PKHD1: variants seen among roughly 807,000 people sequenced by gnomAD.
PKHD1 encodes the protein fibrocystin.
Under a neutral mutation model 412.0 loss-of-function variants are expected in PKHD1, and 291 were observed. That is an observed-to-expected ratio of 0.71 (90% CI 0.64 to 0.78). The LOEUF (loss-of-function observed/expected upper bound fraction) is 0.78. Ranked by LOEUF, PKHD1 falls within the 30% of genes least tolerant of loss-of-function variation. The pLI, the probability that PKHD1 is intolerant of heterozygous loss-of-function variation, is 0.00. For synonymous variants in PKHD1, 1,777 were observed against 1,821.5 expected, an observed-to-expected ratio of 0.98 and a Z score of 0.62; for missense variants, 4,825 against 4,950.7, an observed-to-expected ratio of 0.97 and a Z score of 0.76.
intron 31 of PKHD1, among the ~76,000 whole-genome samples, chr6:52,026,566 T>G (rs954877839): frequency 1.2e-4 from 18 of 152,234 alleles, no homozygotes; most frequent in African/African-American, 3.6e-4. Flanking sequence ...ATAGACTATT[T>G]GTACATTGTC....
At chr6:51,868,213 T>A in intron 47 of PKHD1, 104 bp from the exon 48 acceptor site, 1 of 1,065,634 alleles carries the variant, frequency 9.4e-7, no homozygotes, top group Non-Finnish European at 1.4e-6. Flanking sequence ...TATCTAGTTT[T>A]ACAATTCACC....
rs1785409187 is a variant in PKHD1 at position 51,747,767 on chromosome 6, G to A, written c.9829+20C>T. The A allele has an allele frequency of 6.2e-6, 10 of 1,606,210 alleles. No homozygotes were observed. The South Asian group carries it at 8.8e-5, about 14-fold the overall frequency. ...TGGATGTATGAAATGGCACTGCCTA[G>A]ATAAAATAAAACATCCTACCTTGAA... On this transcript the variant is annotated intron_variant, in intron 58 of 66. Transcript: ENST00000371117.
intron 53 of PKHD1, among the ~76,000 whole-genome samples, chr6:51,781,802 T>C (rs1203047091): frequency 1.3e-5 from 2 of 151,990 alleles, no homozygotes; most frequent in Non-Finnish European, 2.9e-5. Context: ...TAAGGCAAGC[T>C]CTTCCTAGCA....
chr6:52,085,666 G>A (rs1812672978), intron 1 of PKHD1, among the ~76,000 whole-genome samples: 1 of 152,194 alleles, frequency 6.6e-6, no homozygotes, highest in African/African-American at 2.4e-5. Flanking sequence ...GGCACACATA[G>A]GCCTCTTCTT....
chr6:51,851,517 C>G (rs1772243803), intron 49 of PKHD1, among the ~76,000 whole-genome samples: 1 of 152,102 alleles, frequency 6.6e-6, no homozygotes, highest in African/African-American at 2.4e-5. Flanking sequence ...GCTGTGAATC[C>G]ATCTAGTCCT....
At chr6:51,863,354 A>G (rs1774501074) in intron 48 of PKHD1, among the ~76,000 whole-genome samples, 1 of 152,200 alleles carries the variant, frequency 6.6e-6, no homozygotes, top group Non-Finnish European at 1.5e-5. Flanking sequence ...CCTCACACTC[A>G]ATACAGTCAA....
chr6:51,974,682 A>C (rs1445398392), intron 35 of PKHD1, among the ~76,000 whole-genome samples: 1 of 152,174 alleles, frequency 6.6e-6, no homozygotes, highest in Non-Finnish European at 1.5e-5. Context: ...AGAACGACAC[A>C]ATGGACTTTG....
chr6:51,776,951 G>C (rs1355456281), intron 53 of PKHD1, among the ~76,000 whole-genome samples: 4 of 151,924 alleles, frequency 2.6e-5, no homozygotes, highest in Admixed American at 2.6e-4. Context: ...ACCTGAGGAA[G>C]GTTAGTTTCA....
At chr6:51,746,662 T>C in intron 59 of PKHD1, 59 bp downstream of exon 59, 1 of 1,041,356 alleles carries the variant, frequency 9.6e-7, no homozygotes, top group Non-Finnish European at 1.5e-6. Context: ...ATGTTTAGGG[T>C]TTGAAGAATT....
chr6:51,810,006 G>A (rs1057025668), intron 52 of PKHD1, among the ~76,000 whole-genome samples: 2 of 151,712 alleles, frequency 1.3e-5, no homozygotes, highest in Non-Finnish European at 2.9e-5. Flanking sequence ...AGGCATTCAC[G>A]TTTTATTCTC....
chr6:52,022,238 T>G (rs984242288), intron 33 of PKHD1, among the ~76,000 whole-genome samples: 1 of 152,228 alleles, frequency 6.6e-6, no homozygotes, highest in African/African-American at 2.4e-5. Flanking sequence ...AGTGAGCAAT[T>G]GTGGTGTTTT....
Position 51,785,887 on chromosome 6 carries a change from A to G in PKHD1, c.8440+5349T>C, listed in dbSNP as rs150253454. Among the ~76,000 whole-genome samples the G allele has an allele frequency of 4.7e-4, 72 of 152,280 alleles. 1 individual carries two copies. The East Asian group carries it at 0.014, about 29-fold the overall frequency. On this transcript the variant is annotated intron_variant, in intron 53 of 66. Coordinates refer to ENST00000371117, the MANE Select transcript of PKHD1 (RefSeq NM_138694.4). Reference sequence around the variant, plus strand: ...ACCTCTCTCACTGGTTTCTTTATTCATAAATCTGCTTGTTCTCTAGATATT... The same window carrying G: ...ACCTCTCTCACTGGTTTCTTTATTCGTAAATCTGCTTGTTCTCTAGATATT...
chr6:51,682,913 C>A (rs911951165), intron 60 of PKHD1, among the ~76,000 whole-genome samples: 1 of 151,916 alleles, frequency 6.6e-6, no homozygotes, highest in African/African-American at 2.4e-5. Flanking sequence ...GGATACTTAC[C>A]TAATACAGGG....
At chr6:51,753,439 T>G in intron 56 of PKHD1, 86 bp from the exon 57 acceptor site, 1 of 1,066,106 alleles carries the variant, frequency 9.4e-7, no homozygotes, top group Non-Finnish European at 1.5e-6. Flanking sequence ...ACCTGAGAAA[T>G]GAAAACATCC....
intron 35 of PKHD1, among the ~76,000 whole-genome samples, chr6:51,983,220 A>C (rs1352541735): frequency 1.3e-5 from 2 of 152,224 alleles, no homozygotes; most frequent in African/African-American, 4.8e-5. Context: ...TTTAAATTTA[A>C]TTTTCTACGT....
chr6:52,006,479 C>A (rs1333191198), intron 35 of PKHD1, among the ~76,000 whole-genome samples: 1 of 152,082 alleles, frequency 6.6e-6, no homozygotes, highest in South Asian at 2.1e-4. Context: ...AGGGTTCAAG[C>A]AATTCCCCTG....
At chr6:51,800,463 T>C (rs549476532) in intron 52 of PKHD1, among the ~76,000 whole-genome samples, 1 of 152,332 alleles carries the variant, frequency 6.6e-6, no homozygotes, top group East Asian at 1.9e-4. Context: ...TGAGCCAGAC[T>C]GAAAGACAGA....
At position 51,878,536 on chromosome 6, in the gene PKHD1, G is replaced by A. The variant is rs554968117; in HGVS notation, c.7350+4557C>T. 4.8e-5 allele frequency among the ~76,000 whole-genome samples: 3 copies of A among 63,088 alleles called. 1 individual carries two copies. The highest frequency in any genetic ancestry group is 7.4e-5 in the African/African-American group (1 of 13,538). The allele number at this position is 63,088 out of a possible 152,430, so 41.4% of individuals were successfully genotyped here. On this transcript the variant is annotated intron_variant, in intron 46 of 66. Coordinates refer to ENST00000371117, the MANE Select transcript of PKHD1 (RefSeq NM_138694.4). The stretch of plus-strand genomic sequence containing the variant: ...AAACCACATGATTATCTCAATAGAC[G>A]CAGAAAAAGCCTTTGACAAAATTCA...
chr6:51,857,334 TG>T (rs1773467587), intron 48 of PKHD1, among the ~76,000 whole-genome samples: 1 of 152,184 alleles, frequency 6.6e-6, no homozygotes. Context: ...GTAAGGGAAA[TG>T]AGTCAAAAGA....
Sources: gnomAD v4.1 joint callset for allele counts (sites outside exome capture counted in the v4.1 genomes callset) on GRCh38, gnomAD v4.1.1 for gene constraint, MANE v1.5 for transcripts, NCBI Gene and HGNC (gene_info 2026-07-23, HGNC 2026-07-21) for gene names.